GLIS3: variants seen among roughly 807,000 people sequenced by gnomAD.
GLIS3 encodes zinc finger protein GLIS3.
In GLIS3, 53 loss-of-function variants were observed where a neutral mutation model predicts 78.6. That is an observed-to-expected ratio of 0.67 (90% confidence interval 0.54 to 0.85). The LOEUF is 0.85. Ranked by LOEUF, GLIS3 falls within the 40% of genes least tolerant of loss-of-function variation. The pLI is 0.00. For synonymous variants in GLIS3, 684 were observed against 509.9 expected (o/e 1.34, Z -4.60); for missense variants, 1,703 against 1,231.1 (o/e 1.38, Z -5.74).
rs189834854 is a variant in GLIS3 at position 4,106,174 on chromosome 9, C to T, written c.1710+11594G>A. On this transcript the variant is annotated intron_variant, in intron 4 of 10. Transcript: ENST00000381971. ...AATCACTTGAGATGGGCCAAAAGGTCAGGGCCCTGAAACTTTGTCAGCGTG... is the reference window on the plus strand; with the variant it reads ...AATCACTTGAGATGGGCCAAAAGGTTAGGGCCCTGAAACTTTGTCAGCGTG... Among the ~76,000 whole-genome samples, 809 of 152,264 alleles carry T rather than the reference C, an allele frequency of 5.3e-3. 3 individuals are homozygous for T. Among genetic ancestry groups the T allele is most frequent in the Non-Finnish European group, 8.6e-3 (584 of 68,006 alleles).
intron 2 of GLIS3, among the ~76,000 whole-genome samples, chr9:4,185,828 C>G (rs1434339028): frequency 1.3e-5 from 2 of 152,092 alleles, no homozygotes; most frequent in African/African-American, 4.8e-5. Flanking sequence ...CAAGAGTTCC[C>G]CATTGGCCAG....
chr9:4,357,280 T>C, the GLIS3 span, among the ~76,000 whole-genome samples: 2 of 152,312 alleles, frequency 1.3e-5, no homozygotes, highest in Non-Finnish European at 1.5e-5. Context: ...GTAGATTGAA[T>C]AAAGCAGATT....
intron 6 of GLIS3, among the ~76,000 whole-genome samples, chr9:3,922,329 A>G (rs977599786): frequency 1.3e-5 from 2 of 152,220 alleles, no homozygotes; most frequent in African/African-American, 2.4e-5. Flanking sequence ...AATATATAGA[A>G]AGATAGGCAC....
intron 2 of GLIS3, among the ~76,000 whole-genome samples, chr9:4,326,444 T>C (rs1298158160): frequency 6.6e-6 from 1 of 152,050 alleles, no homozygotes; most frequent in African/African-American, 2.4e-5. Context: ...CTAAGTGAAA[T>C]AGTCACAAAA....
At chr9:4,086,188 G>C (rs1564027136) in intron 4 of GLIS3, among the ~76,000 whole-genome samples, 1 of 152,062 alleles carries the variant, frequency 6.6e-6, no homozygotes, top group Admixed American at 6.6e-5. Context: ...CTATGTCTTT[G>C]AACATATCAC....
chr9:3,875,908 A>T (rs1051206973), intron 8 of GLIS3, among the ~76,000 whole-genome samples: 27 of 152,220 alleles, frequency 1.8e-4, no homozygotes, highest in Admixed American at 5.2e-4. Flanking sequence ...TTACATTATC[A>T]ACCCCTATGA....
intron 4 of GLIS3, among the ~76,000 whole-genome samples, chr9:3,972,852 G>C (rs1286701097): frequency 6.6e-6 from 1 of 152,124 alleles, no homozygotes; most frequent in Non-Finnish European, 1.5e-5. Context: ...TCTTTGCATT[G>C]TAATACTTCT....
intron 2 of GLIS3, among the ~76,000 whole-genome samples, chr9:4,195,500 G>A (rs540778904): frequency 7.3e-4 from 111 of 152,358 alleles, no homozygotes; most frequent in African/African-American, 2.2e-3. Context: ...CCAGCACCGC[G>A]CTCGAATTCT....
chr9:4,301,390 A>G (rs1193030805), upstream of GLIS3, among the ~76,000 whole-genome samples: 2 of 152,262 alleles, frequency 1.3e-5, no homozygotes, highest in African/African-American at 2.4e-5. Context: ...GAAAATACTC[A>G]TAAAATGAAG....
chr9:3,934,998 T>C (rs937639591), intron 5 of GLIS3, among the ~76,000 whole-genome samples: 1 of 152,006 alleles, frequency 6.6e-6, no homozygotes, highest in African/African-American at 2.4e-5. Context: ...GAGAGATTAA[T>C]TAATACAACT....
chr9:4,068,824 GCATGTATGCA>G (rs1371898568), intron 4 of GLIS3, among the ~76,000 whole-genome samples: 1 of 118,530 alleles, frequency 8.4e-6, no homozygotes, highest in Non-Finnish European at 1.8e-5. Flanking sequence ...ATGCATGCAT[GCATGTATGCA>G]TGTGTGTGTG....
chr9:4,399,645 C>A, the GLIS3 span, among the ~76,000 whole-genome samples: 8 of 152,122 alleles, frequency 5.3e-5, no homozygotes, highest in Admixed American at 5.2e-4. Flanking sequence ...ATCTATATAT[C>A]AAAGAGTTAT....
In GLIS3 at chr9:3,892,947, T is replaced by C. The variant is rs1441758790; in HGVS notation, c.2128+5744A>G. Among the ~76,000 whole-genome samples the C allele has an allele frequency of 3.3e-5, 5 of 152,150 alleles. No homozygotes were observed. The South Asian group carries it at 1.0e-3, about 32-fold the overall frequency. On this transcript the variant is annotated intron_variant, in intron 7 of 10. Transcript: ENST00000381971. Reference sequence around the variant, plus strand: ...TGTGCCAGTTGATCACTGGTGAAATTATACACATCTAACTTTTATTTTAAG... The same window carrying C: ...TGTGCCAGTTGATCACTGGTGAAATCATACACATCTAACTTTTATTTTAAG...
the GLIS3 span, among the ~76,000 whole-genome samples, chr9:4,473,093 T>C: frequency 6.6e-6 from 1 of 152,150 alleles, no homozygotes; most frequent in African/African-American, 2.4e-5. Flanking sequence ...TACGCATTTC[T>C]TTTTCTCTGC....
At chr9:4,350,531 A>G (rs1281171728), upstream of GLIS3, among the ~76,000 whole-genome samples, 2 of 152,172 alleles carry the variant, frequency 1.3e-5, no homozygotes, top group African/African-American at 4.8e-5. Flanking sequence ...TCTCTCTGAA[A>G]TTTTTAAAAA....
At chr9:4,342,191 C>G (rs1817842620) in intron 2 of GLIS3, among the ~76,000 whole-genome samples, 1 of 152,236 alleles carries the variant, frequency 6.6e-6, no homozygotes, top group Middle Eastern at 3.4e-3. Flanking sequence ...ATGGCATTTC[C>G]TAGGTTATCT....
chr9:3,916,560 A>C (rs1462229770), intron 6 of GLIS3, among the ~76,000 whole-genome samples: 1 of 152,236 alleles, frequency 6.6e-6, no homozygotes, highest in Non-Finnish European at 1.5e-5. Context: ...TCCATTACTA[A>C]TCCTCTTTTG....
chr9:4,485,830 T>C, the GLIS3 span, among the ~76,000 whole-genome samples: 2 of 151,856 alleles, frequency 1.3e-5, no homozygotes, highest in African/African-American at 4.8e-5. Flanking sequence ...CAAGCAATTC[T>C]CCTGCCTCAG....
chr9:4,020,575 A>G (rs1822806729), intron 4 of GLIS3, among the ~76,000 whole-genome samples: 1 of 152,246 alleles, frequency 6.6e-6, no homozygotes, highest in Admixed American at 6.5e-5. Context: ...TCTAAGAGGC[A>G]TAAACCACAT....
Sources: gnomAD v4.1 joint callset for allele counts (sites outside exome capture counted in the v4.1 genomes callset) on GRCh38, gnomAD v4.1.1 for gene constraint, MANE v1.5 for transcripts, NCBI Gene and HGNC (gene_info 2026-07-23, HGNC 2026-07-21) for gene names.